SLC71A1: variants seen among roughly 807,000 people sequenced by gnomAD.
SLC71A1 encodes solute carrier family 71 member 1, also known as hippocampus abundant gene transcript 1.
chr1:100,067,658 A>T, the SLC71A1 span, among the ~76,000 whole-genome samples: 3 of 152,026 alleles, frequency 2.0e-5, no homozygotes, highest in Non-Finnish European at 4.4e-5. Context: ...TAAAAAATAA[A>T]CAAAATTAGC....
the SLC71A1 span, chr1:100,077,146 C>CTT: frequency 2.3e-3 from 1,996 of 881,348 alleles, no homozygotes; most frequent in South Asian, 5.7e-3. Flanking sequence ...TCTGATAAAT[C>CTT]TTTTTTTTTT....
At chr1:100,048,090 C>A in the SLC71A1 span, among the ~76,000 whole-genome samples, 1 of 152,190 alleles carries the variant, frequency 6.6e-6, no homozygotes, top group African/African-American at 2.4e-5. Flanking sequence ...ATGCTTTAAG[C>A]CCTGAGAAGT....
the SLC71A1 span, chr1:100,058,542 A>G: frequency 1.5e-6 from 1 of 659,330 alleles, no homozygotes. Flanking sequence ...TGCATGTCAT[A>G]CAAATCTGAA....
chr1:100,058,379 CTG>C, the SLC71A1 span, among the ~76,000 whole-genome samples: 4 of 152,158 alleles, frequency 2.6e-5, no homozygotes, highest in Admixed American at 2.0e-4. Flanking sequence ...TACTTACTGA[CTG>C]TAATCTTAGA....
At chr1:100,053,188 C>G in the SLC71A1 span, among the ~76,000 whole-genome samples, 1 of 152,176 alleles carries the variant, frequency 6.6e-6, no homozygotes, top group Non-Finnish European at 1.5e-5. Context: ...AGGTTTTACT[C>G]ATTTCAAGGC....
At chr1:100,080,666 C>G in the SLC71A1 span, 12 of 1,610,738 alleles carry the variant, frequency 7.4e-6, no homozygotes, top group Non-Finnish European at 9.3e-6. Flanking sequence ...ACAGGTAATT[C>G]TCATTCAACA....
chr1:100,038,338 C>T, the SLC71A1 span: 2 of 1,549,654 alleles, frequency 1.3e-6, no homozygotes, highest in Admixed American at 2.0e-5. Context: ...TCCGCGCCGG[C>T]GAGCGTCCCT....
chr1:100,077,362 CTG>C, the SLC71A1 span: 1 of 714,574 alleles, frequency 1.4e-6, no homozygotes, highest in Non-Finnish European at 2.5e-6. Context: ...GAGGGGTAGA[CTG>C]TAATCTGTCT....
At chr1:100,052,279 G>A in the SLC71A1 span, among the ~76,000 whole-genome samples, 1 of 151,962 alleles carries the variant, frequency 6.6e-6, no homozygotes, top group African/African-American at 2.4e-5. Context: ...ATTTTTTTAG[G>A]TATGTTATCT....
At chr1:100,059,691 A>C in the SLC71A1 span, among the ~76,000 whole-genome samples, 2 of 152,098 alleles carry the variant, frequency 1.3e-5, no homozygotes, top group Non-Finnish European at 2.9e-5. Flanking sequence ...AGCCCCACAG[A>C]TGATTCTAAA....
At chr1:100,057,349 TTTTC>T in the SLC71A1 span, among the ~76,000 whole-genome samples, 6,298 of 151,030 alleles carry the variant, frequency 0.042, 151 homozygotes, top group African/African-American at 0.055. Flanking sequence ...TTTTTTTCCT[TTTTC>T]TTTCTTTTTT....
At chr1:100,078,751 G>A in the SLC71A1 span, 1 of 479,070 alleles carries the variant, frequency 2.1e-6, no homozygotes, top group Non-Finnish European at 3.7e-6. Flanking sequence ...TAGAATATGT[G>A]GCTTATCTGT....
chr1:100,061,127 A>C, the SLC71A1 span, among the ~76,000 whole-genome samples: 2 of 152,182 alleles, frequency 1.3e-5, no homozygotes, highest in African/African-American at 2.4e-5. Flanking sequence ...GTCTTGGTGG[A>C]ATGATATTTT....
chr1:100,079,293 AAG>A, the SLC71A1 span: 1 of 152,110 alleles, frequency 6.6e-6, no homozygotes, highest in African/African-American at 2.4e-5. Flanking sequence ...AAAAAAAAAA[AAG>A]AAATCATATA....
chr1:100,050,120 A>G, the SLC71A1 span: 1 of 580,614 alleles, frequency 1.7e-6, no homozygotes, highest in Non-Finnish European at 3.1e-6. Flanking sequence ...AGTATTGTTC[A>G]GTATTCACCA....
the SLC71A1 span, chr1:100,059,961 G>T: frequency 1.2e-6 from 2 of 1,612,934 alleles, no homozygotes; most frequent in South Asian, 2.2e-5. Context: ...TGCTAACGGT[G>T]TTTTTCACAT....
the SLC71A1 span, chr1:100,077,311 A>C: frequency 1.8e-6 from 2 of 1,105,454 alleles, no homozygotes; most frequent in South Asian, 2.7e-5. Flanking sequence ...AATATTTTTA[A>C]TTTTGGTGTT....
At chr1:100,069,110 T>C in the SLC71A1 span, among the ~76,000 whole-genome samples, 2 of 152,242 alleles carry the variant, frequency 1.3e-5, no homozygotes, top group African/African-American at 2.4e-5. Context: ...TTAAGATATT[T>C]GGCTTAGGGA....
At chr1:100,059,802 A>T in the SLC71A1 span, 1 of 1,316,126 alleles carries the variant, frequency 7.6e-7, no homozygotes, top group African/African-American at 1.5e-5. Context: ...AAATTTTTCT[A>T]TAGGAGTAAA....
Sources: gnomAD v4.1 joint callset for allele counts (sites outside exome capture counted in the v4.1 genomes callset) on GRCh38, gnomAD v4.1.1 for gene constraint, MANE v1.5 for transcripts, NCBI Gene and HGNC (gene_info 2026-07-23, HGNC 2026-07-21) for gene names.